IGF1R: variants seen among roughly 807,000 people sequenced by gnomAD.
IGF1R encodes insulin-like growth factor 1 receptor.
A neutral mutation model predicts 144.6 loss-of-function variants in IGF1R; 44 were observed. The ratio of observed to expected loss-of-function variants is 0.30; its 90% confidence interval spans 0.24 to 0.39. The LOEUF (loss-of-function observed/expected upper bound fraction) is 0.39, where lower values mean the gene tolerates loss of function less well. Ranked by LOEUF, IGF1R falls within the 10% of genes least tolerant of loss-of-function variation. The pLI, the probability that IGF1R is intolerant of heterozygous loss-of-function variation, is 1.00. For missense variants in IGF1R, 1,355 were observed against 1,833.7 expected (o/e 0.74, Z 4.77); for synonymous variants, 795 against 722.8 (o/e 1.10, Z -1.60).
intron 2 of IGF1R, among the ~76,000 whole-genome samples, chr15:98,863,944 A>G (rs896262781): frequency 6.6e-6 from 1 of 152,232 alleles, no homozygotes; most frequent in Non-Finnish European, 1.5e-5. Context: ...AGAAGTGTTC[A>G]AAGTGTTGCT....
chr15:98,710,916 C>T (rs571269611), intron 2 of IGF1R, among the ~76,000 whole-genome samples: 54 of 152,066 alleles, frequency 3.6e-4, no homozygotes, highest in African/African-American at 9.4e-4. Flanking sequence ...ATGATCCGCC[C>T]GCCTCAGCCT....
intron 2 of IGF1R, among the ~76,000 whole-genome samples, chr15:98,756,150 T>C (rs2055150169): frequency 6.6e-6 from 1 of 152,106 alleles, no homozygotes; most frequent in Non-Finnish European, 1.5e-5. Context: ...TTGCATTCTA[T>C]CAGGTATTGA....
In IGF1R at chr15:98,957,386, A is replaced by G. The variant is rs761700320; in HGVS notation, c.4048A>G (p.Asn1350Asp). The change falls in exon 21 of 21, where the codon AAC (asparagine) becomes GAC (aspartate). Residue 1350 changes from asparagine to aspartate, a missense_variant. By Grantham distance (23) the Asn-to-Asp change is conservative (BLOSUM62 1). Around this residue, in one of 7 missense-constraint regions of IGF1R, gnomAD observed 219 missense variants for 188.8 expected, o/e 1.16. Transcript: ENST00000650285. Reference protein sequence around the residue: ...FDERQPYAHMNGGRKNERALP... With the variant: ...FDERQPYAHMDGGRKNERALP... The stretch of plus-strand genomic sequence containing the variant: ...CGAGAGACAGCCTTACGCCCACATG[A>G]ACGGGGGCCGCAAGAACGAGCGGGC... The G allele has an allele frequency of 6.2e-7, 1 of 1,613,312 alleles. No homozygotes were observed. The highest frequency in any genetic ancestry group is 1.1e-5 in the South Asian group (1 of 91,076).
In IGF1R at chr15:98,657,264, G is replaced by A. The variant is rs376273895; in HGVS notation, c.94+7589G>A. On this transcript the variant is annotated intron_variant, in intron 1 of 20. Coordinates refer to ENST00000650285, the MANE Select transcript of IGF1R (RefSeq NM_000875.5). The stretch of plus-strand genomic sequence containing the variant: ...TAGGAGTTTTCCCCAAATTCAAAGC[G>A]TCTTAGTGACCTTTGATAACTTCCT... Among the ~76,000 whole-genome samples the A allele has an allele frequency of 9.8e-5, 15 of 152,318 alleles. No individual in the cohort carries two copies. The Middle Eastern group carries it at 0.01, about 104-fold the overall frequency.
Position 98,891,304 on chromosome 15 carries a change from G to C in IGF1R, c.641-21G>C, listed in dbSNP as rs777538786. ...GCCTCCCCTGCCCGGTCTCATCTCC[G>C]TCTCTCCTCTCTCTCCACAGTGTGC... On this transcript the variant is annotated intron_variant, in intron 2 of 20. Transcript: ENST00000650285. This position sits in a 1 kb window ranked among gnomAD's most constrained non-coding sequence, Gnocchi z 4.7. The C allele has an allele frequency of 2.8e-5, 45 of 1,602,770 alleles. 1 individual carries two copies. The Admixed American group carries it at 7.3e-4, about 26-fold the overall frequency.
intron 2 of IGF1R, among the ~76,000 whole-genome samples, chr15:98,858,114 A>C (rs1567164554): frequency 6.6e-6 from 1 of 152,244 alleles, no homozygotes; most frequent in Non-Finnish European, 1.5e-5. Flanking sequence ...AAAAAGTCTT[A>C]ATGGTTCTGT....
chr15:98,656,676 G>A (rs757832121), intron 1 of IGF1R, among the ~76,000 whole-genome samples: 25 of 151,866 alleles, frequency 1.6e-4, no homozygotes, highest in Non-Finnish European at 7.4e-5. Flanking sequence ...AAGTTCTTGC[G>A]GGGAGGAGTT....
intron 2 of IGF1R, among the ~76,000 whole-genome samples, chr15:98,753,380 CTTTTTTTTTT>C (rs1173073572): frequency 3.3e-5 from 2 of 60,286 alleles, no homozygotes; most frequent in Non-Finnish European, 5.9e-5. Context: ...CCATACCTGG[CTTTTTTTTTT>C]TTTTTTTTTT....
At chr15:98,875,350 T>TTTTCTTTC (rs1555455569) in intron 2 of IGF1R, among the ~76,000 whole-genome samples, 1 of 57,870 alleles carries the variant, frequency 1.7e-5, no homozygotes, top group African/African-American at 5.0e-5. Flanking sequence ...TTTTCTTTTC[T>TTTTCTTTC]TTTTTTTTTT....
chr15:98,756,389 C>G lies in IGF1R; in HGVS notation c.640+48282C>G, dbSNP rs117271669. 8.1e-4 allele frequency among the ~76,000 whole-genome samples: 123 copies of G among 151,758 alleles called. 2 individuals are homozygous for G. In the East Asian group the frequency reaches 0.023, roughly 28 times the overall value. On this transcript the variant is annotated intron_variant, in intron 2 of 20. Coordinates refer to ENST00000650285, the MANE Select transcript of IGF1R (RefSeq NM_000875.5). Reference sequence around the variant, plus strand: ...ATAGTTGTTCTGTTCAGCTTTTAAGCCTTTTCTCTGGATTTTGATATTTTC... The same window carrying G: ...ATAGTTGTTCTGTTCAGCTTTTAAGGCTTTTCTCTGGATTTTGATATTTTC...
chr15:98,906,946 C>T (rs946739732), intron 5 of IGF1R, among the ~76,000 whole-genome samples: 1 of 152,214 alleles, frequency 6.6e-6, no homozygotes, highest in Non-Finnish European at 1.5e-5. Context: ...ACAGAGAGCC[C>T]AGTGCTCAGG....
In IGF1R at chr15:98,942,765, T is replaced by G. The variant is rs188304575; in HGVS notation, c.3458-158T>G. 2.0e-5 allele frequency among the ~76,000 whole-genome samples: 3 copies of G among 152,356 alleles called. No homozygotes were observed. In the East Asian group the frequency reaches 5.8e-4, roughly 29 times the overall value. ...TTAATCATCCCTTACTGTCTCCACC[T>G]TATAAAATTGCAAACCCTAATATTT... On this transcript the variant is annotated intron_variant, in intron 18 of 20. Coordinates refer to ENST00000650285, the MANE Select transcript of IGF1R (RefSeq NM_000875.5).
intron 2 of IGF1R, among the ~76,000 whole-genome samples, chr15:98,775,410 G>A (rs370337987): frequency 6.6e-6 from 1 of 152,160 alleles, no homozygotes; most frequent in Non-Finnish European, 1.5e-5. Context: ...CCAGGGGTGG[G>A]ACTGGGCATC....
At position 98,777,432 on chromosome 15, in the gene IGF1R, C is replaced by A. The variant is rs150233350; in HGVS notation, c.640+69325C>A. On this transcript the variant is annotated intron_variant, in intron 2 of 20. Transcript: ENST00000650285. Reference sequence around the variant, plus strand: ...TCTGAGAGGGAGGTGGTGAGGGGCCCGGGGAGGCCCTGAGAAACAAAATGC... The same window carrying A: ...TCTGAGAGGGAGGTGGTGAGGGGCCAGGGGAGGCCCTGAGAAACAAAATGC... Among the ~76,000 whole-genome samples the A allele has an allele frequency of 2.6e-3, 400 of 152,258 alleles. 1 individual carries two copies. The highest frequency in any genetic ancestry group is 9.3e-3 in the African/African-American group (386 of 41,540).
chr15:98,946,034 G>T (rs1043043051), intron 19 of IGF1R, among the ~76,000 whole-genome samples: 1 of 151,890 alleles, frequency 6.6e-6, no homozygotes, highest in Admixed American at 6.6e-5. Flanking sequence ...CGATGACGAC[G>T]ATGACAGCGT....
At chr15:98,889,140 CA>C (rs1382650995) in intron 2 of IGF1R, among the ~76,000 whole-genome samples, 1 of 152,172 alleles carries the variant, frequency 6.6e-6, no homozygotes, top group African/African-American at 2.4e-5. Flanking sequence ...GCCATATTAT[CA>C]ACTAAAAATT....
At chr15:98,875,010 G>A (rs953123080) in intron 2 of IGF1R, among the ~76,000 whole-genome samples, 1 of 152,022 alleles carries the variant, frequency 6.6e-6, no homozygotes, top group Non-Finnish European at 1.5e-5. Context: ...TTCTTTTTTT[G>A]TCACTTGCCA....
intron 20 of IGF1R, among the ~76,000 whole-genome samples, chr15:98,950,959 C>A (rs1184487068): frequency 2.6e-5 from 4 of 152,198 alleles, no homozygotes; most frequent in Non-Finnish European, 5.9e-5. Context: ...TTGTAAATGG[C>A]CGGCCAGCGG....
intron 2 of IGF1R, among the ~76,000 whole-genome samples, chr15:98,779,676 T>C (rs2055806631): frequency 6.6e-6 from 1 of 152,258 alleles, no homozygotes; most frequent in Non-Finnish European, 1.5e-5. Flanking sequence ...GAGTCAGAGG[T>C]TGACAACACA....
Sources: gnomAD v4.1 joint callset for allele counts (sites outside exome capture counted in the v4.1 genomes callset) on GRCh38, gnomAD v4.1.1 for gene constraint, gnomAD v4.1.1 regional missense constraint, Gnocchi (gnomAD v3.1) non-coding constraint, MANE v1.5 for transcripts, NCBI Gene and HGNC (gene_info 2026-07-23, HGNC 2026-07-21) for gene names.